PWWP2B: variants seen among roughly 807,000 people sequenced by gnomAD.
The protein encoded by PWWP2B is PWWP domain containing 2B.
A neutral mutation model predicts 15.5 loss-of-function variants in PWWP2B; 9 were observed. The observed-to-expected ratio is 0.58, with a 90% CI of 0.35 to 1.02. The LOEUF (loss-of-function observed/expected upper bound fraction) is 1.02, where lower values mean the gene tolerates loss of function less well. Among genes scored for constraint, PWWP2B ranks in the 50% least tolerant of loss-of-function variants. The pLI is 0.02. For missense variants in PWWP2B, 864 were observed against 865.3 expected (o/e 1.00, Z 0.02); for synonymous variants, 474 against 403.6 (o/e 1.17, Z -2.09).
Position 132,405,429 on chromosome 10 carries a change from C to T in PWWP2B, c.929C>T (p.Ser310Leu), listed in dbSNP as rs780057300. ...CGGGACCGGCCGTCCTGCGCGCCCTCGGCCTCCATCCCCAAGTTGAAACTG... is the reference window on the plus strand; with the variant it reads ...CGGGACCGGCCGTCCTGCGCGCCCTTGGCCTCCATCCCCAAGTTGAAACTG... ...ESRDRPSCAPSASIPKLKLTR... is the reference protein window; with the variant it reads ...ESRDRPSCAPLASIPKLKLTR... The change falls in exon 2 of 3, where the codon TCG (serine) becomes TTG (leucine). Residue 310 changes from serine (S) to leucine (L), a missense_variant. Coordinates refer to ENST00000305233, the MANE Select transcript of PWWP2B (RefSeq NM_138499.4). 20 of 1,610,108 alleles carry T rather than the reference C, an allele frequency of 1.2e-5. No individual in the cohort carries two copies. Among genetic ancestry groups the T allele is most frequent in the Admixed American group, 3.3e-5 (2 of 59,940 alleles).
At position 132,405,062 on chromosome 10, in the gene PWWP2B, C is replaced by T; in HGVS notation, c.562C>T (p.Pro188Ser). The change falls in exon 2 of 3, where the codon CCG becomes TCG. Residue 188 changes from proline (P) to serine (S), a missense_variant. By Grantham distance (74) the Pro-to-Ser change is moderately conservative. Around this residue, in one of 2 missense-constraint regions of PWWP2B, gnomAD observed 736 missense variants for 687.7 expected, o/e 1.07. Transcript: ENST00000305233. ...CEKCKSTLSP[P>S]EASPGPPAAP... The stretch of plus-strand genomic sequence containing the variant: ...GAAGTGCAAGAGCACGCTGAGCCCC[C>T]CGGAGGCCAGCCCCGGACCCCCAGC... The T allele has an allele frequency of 6.6e-7, 1 of 1,516,958 alleles. No homozygotes were observed. Among genetic ancestry groups the T allele is most frequent in the Non-Finnish European group, 8.8e-7 (1 of 1,135,768 alleles). The allele number at this position is 1,516,958 out of a possible 1,614,324, so 94.0% of individuals were successfully genotyped here. A position where few individuals can be genotyped will look rare whatever the true frequency, so the allele number is the denominator to read the frequency against.
chr10:132,417,096 G>A lies in PWWP2B; in HGVS notation c.*52G>A. The A allele has an allele frequency of 6.2e-7, 1 of 1,613,664 alleles. No individual in the cohort carries two copies. The highest frequency in any genetic ancestry group is 8.5e-7 in the Non-Finnish European group (1 of 1,179,670). ...ATGAGGGCGCACCTGCTGTCCTGGA[G>A]CTTCCGATCTCTGTTCGGGGACCCT... On this transcript the variant is annotated 3_prime_UTR_variant, in exon 3 of 3. Coordinates refer to ENST00000305233, the MANE Select transcript of PWWP2B (RefSeq NM_138499.4).
Position 132,417,510 on chromosome 10 carries a change from A to G in PWWP2B, c.*466A>G, listed in dbSNP as rs1440097788. 2 of 179,914 alleles carry G rather than the reference A, an allele frequency of 1.1e-5. No homozygotes were observed. The highest frequency in any genetic ancestry group is 4.7e-5 in the African/African-American group (2 of 42,254). 11.1% of individuals were successfully genotyped at this position (179,914 alleles called of 1,614,324 possible). The stretch of plus-strand genomic sequence containing the variant: ...TGTCCTGGAGGCAGCTGTCTCGCAG[A>G]CTCAGCTTGGTCTCCCGCAGGCTTC... On this transcript the variant is annotated 3_prime_UTR_variant, in exon 3 of 3. Coordinates refer to ENST00000305233, the MANE Select transcript of PWWP2B (RefSeq NM_138499.4).
chr10:132,397,634 A>G (rs2069555982), intron 1 of PWWP2B, among the ~76,000 whole-genome samples: 1 of 151,948 alleles, frequency 6.6e-6, no homozygotes, highest in East Asian at 1.9e-4. Flanking sequence ...CACATCTGCC[A>G]TAATTAATGC....
At chr10:132,414,121 G>T (rs1377216885) in intron 2 of PWWP2B, among the ~76,000 whole-genome samples, 2 of 152,244 alleles carry the variant, frequency 1.3e-5, no homozygotes, top group African/African-American at 4.8e-5. Flanking sequence ...TGCTGCTCCA[G>T]CCTTGGAGTC....
chr10:132,407,917 G>C (rs1244902448), intron 2 of PWWP2B, among the ~76,000 whole-genome samples: 1 of 152,248 alleles, frequency 6.6e-6, no homozygotes, highest in Non-Finnish European at 1.5e-5. Context: ...TCTGGACTCA[G>C]GCATTTGCGA....
chr10:132,411,436 G>A lies in PWWP2B; in HGVS notation c.*16+5147G>A, dbSNP rs559817590. Among the ~76,000 whole-genome samples, 841 of 152,382 alleles carry A rather than the reference G, an allele frequency of 5.5e-3. 2 individuals carry two copies. The highest frequency in any genetic ancestry group is 9.9e-3 in the Non-Finnish European group (677 of 68,042). On this transcript the variant is annotated intron_variant, in intron 2 of 2. Transcript: ENST00000305233. ...CGGTCTCATTCACTCCACATCCCCA[G>A]CGGTTGTGTGGGCAGCGCGGGCACA...
At chr10:132,416,632 C>T (rs1364337263) in intron 2 of PWWP2B, among the ~76,000 whole-genome samples, 4 of 152,048 alleles carry the variant, frequency 2.6e-5, no homozygotes, top group African/African-American at 9.7e-5. Flanking sequence ...GTGGAGGGGG[C>T]TTGGGGCTCC....
In PWWP2B at chr10:132,397,377, C is replaced by T. The variant is rs759670810; in HGVS notation, c.125+26C>T. The T allele has an allele frequency of 1.2e-5, 15 of 1,236,202 alleles. No homozygotes were observed. The East Asian group carries it at 2.3e-4, about 19-fold the overall frequency. 76.6% of individuals were successfully genotyped at this position (1,236,202 alleles called of 1,614,324 possible). On this transcript the variant is annotated intron_variant, in intron 1 of 2. Transcript: ENST00000305233. ...GTGAGCGGGGGCGCGGGCCGGGACA[C>T]CCCCGGGGTCCCCACGCGACACCCG...
At chr10:132,407,360 T>TA (rs1252989058) in intron 2 of PWWP2B, among the ~76,000 whole-genome samples, 1 of 152,196 alleles carries the variant, frequency 6.6e-6, no homozygotes, top group African/African-American at 2.4e-5. Flanking sequence ...CCAGGGGCTG[T>TA]ACGCAGAGGG....
intron 2 of PWWP2B, among the ~76,000 whole-genome samples, chr10:132,413,679 G>A (rs7911063): frequency 0.058 from 8,903 of 152,274 alleles, 353 homozygotes; most frequent in Non-Finnish European, 0.083. Flanking sequence ...TCGTCCTTCC[G>A]GGCTTCCAGC....
intron 1 of PWWP2B, 37 bp downstream of exon 1, chr10:132,397,388 C>A: frequency 8.3e-7 from 1 of 1,209,848 alleles, no homozygotes; most frequent in South Asian, 3.2e-5. Flanking sequence ...CCCCGGGGTC[C>A]CCACGCGACA....
chr10:132,404,982 C>A lies in PWWP2B; in HGVS notation c.482C>A (p.Pro161Gln), dbSNP rs772844367. 1.3e-6 allele frequency: 2 copies of A among 1,573,088 alleles called. No homozygotes were observed. Among genetic ancestry groups the A allele is most frequent in the East Asian group, 2.3e-5 (1 of 43,276 alleles). ...CGGCGTCTGTCCCGCAACCGCGACC[C>A]GGGGCGCCTCATCCTCAGCACCATC... Reference protein sequence around the residue: ...TRRRLSRNRDPGRLILSTIRL... With the variant: ...TRRRLSRNRDQGRLILSTIRL... The change falls in exon 2 of 3, where the codon CCG becomes CAG. Residue 161 changes from proline to glutamine, a missense_variant. Around this residue, in one of 2 missense-constraint regions of PWWP2B, gnomAD observed 736 missense variants for 687.7 expected, o/e 1.07. Transcript: ENST00000305233.
rs757703257 is a variant in PWWP2B, at chr10:132,405,630, T to C, written c.1130T>C (p.Leu377Pro). 6.2e-7 allele frequency: 1 copy of C among 1,612,318 alleles called. No homozygotes were observed. ...TGTGCGGACGGCCCTGCCGGTGGGC[T>C]GGCGGACTTGTCTTCTGGAAGTTCG... Reference protein sequence around the residue: ...APCADGPAGGLADLSSGSSGE... With the variant: ...APCADGPAGGPADLSSGSSGE... The change falls in exon 2 of 3, where the codon CTG becomes CCG. Residue 377 changes from leucine to proline, a missense_variant. By Grantham distance (98) the Leu-to-Pro change is moderately conservative. This residue lies in a region of PWWP2B where 736 missense variants were observed against 687.7 expected (regional missense o/e 1.07). Coordinates refer to ENST00000305233, the MANE Select transcript of PWWP2B (RefSeq NM_138499.4).
chr10:132,411,924 C>G (rs1356877323), intron 2 of PWWP2B, among the ~76,000 whole-genome samples: 2 of 152,264 alleles, frequency 1.3e-5, no homozygotes, highest in Non-Finnish European at 2.9e-5. Flanking sequence ...CAGCTGACTT[C>G]CCTGCGTTGC....
chr10:132,402,795 G>C (rs887635394), intron 1 of PWWP2B, among the ~76,000 whole-genome samples: 1 of 152,234 alleles, frequency 6.6e-6, no homozygotes, highest in African/African-American at 2.4e-5. Context: ...AGTGAAAGTC[G>C]CCGGCTTGGG....
chr10:132,407,403 G>T (rs959310674), intron 2 of PWWP2B, among the ~76,000 whole-genome samples: 3 of 152,224 alleles, frequency 2.0e-5, no homozygotes, highest in Admixed American at 2.0e-4. Flanking sequence ...CCTTGGTGAC[G>T]TCTGGTGACC....
chr10:132,413,663 G>A (rs982944046), intron 2 of PWWP2B, among the ~76,000 whole-genome samples: 1 of 152,252 alleles, frequency 6.6e-6, no homozygotes, highest in Admixed American at 6.5e-5. Flanking sequence ...TCTGGGCAGG[G>A]CCCCATCGTC....
rs781764842 is a variant in PWWP2B at position 132,417,072 on chromosome 10, T to C, written c.*28T>C. The C allele has an allele frequency of 3.1e-6, 5 of 1,612,870 alleles. No individual in the cohort carries two copies. The highest frequency in any genetic ancestry group is 4.2e-6 in the Non-Finnish European group (5 of 1,178,974). On this transcript the variant is annotated 3_prime_UTR_variant, in exon 3 of 3. Coordinates refer to ENST00000305233, the MANE Select transcript of PWWP2B (RefSeq NM_138499.4). ...TGCTTTCCCCCAAGGTCACCGACGA[T>C]GAGGGCGCACCTGCTGTCCTGGAGC...
Sources: gnomAD v4.1 joint callset for allele counts (sites outside exome capture counted in the v4.1 genomes callset) on GRCh38, gnomAD v4.1.1 for gene constraint, gnomAD v4.1.1 regional missense constraint, MANE v1.5 for transcripts, NCBI Gene and HGNC (gene_info 2026-07-23, HGNC 2026-07-21) for gene names.